The following CHD4 variants were observed in gnomAD, a reference collection of about 807,000 sequenced individuals.
CHD4 encodes ATP-dependent chromatin remodeler CHD4.
CHD4 carries 35 observed loss-of-function variants against 235.5 expected under a neutral mutation model. The ratio of observed to expected loss-of-function variants is 0.15; its 90% CI spans 0.11 to 0.20. The LOEUF is 0.20. Among genes scored for constraint, CHD4 ranks in the 10% least tolerant of loss-of-function variants. CHD4 has a pLI of 1.00. For synonymous variants in CHD4, 900 were observed against 850.2 expected, an observed-to-expected ratio of 1.06 and a Z score of -1.02; for missense variants, 1,329 against 2,432.3, an observed-to-expected ratio of 0.55 and a Z score of 9.54.
chr12:6,599,985 T>C lies in CHD4; in HGVS notation c.1270A>G (p.Lys424Glu), dbSNP rs372747762. 6.2e-7 allele frequency: 1 copy of C among 1,614,196 alleles called. No individual in the cohort carries two copies. The highest frequency in any genetic ancestry group is 8.5e-7 in the Non-Finnish European group (1 of 1,180,026). Reference protein sequence around the residue: ...CEKEGIQWEAKEDNSEGEEIL... With the variant: ...CEKEGIQWEAEEDNSEGEEIL... ...TCCTCACCCTCCGAATTGTCCTCTT[T>C]AGCTTCCCACTGGATGCCTTCCTTC... The change falls in exon 10 of 40, where the codon AAA (lysine) becomes GAA (glutamate). Residue 424 changes from lysine to glutamate, a missense_variant. Transcript: ENST00000544040.
intron 38 of CHD4, 74 bp downstream of exon 38, chr12:6,573,000 C>CA: frequency 7.0e-7 from 1 of 1,431,840 alleles, no homozygotes. Context: ...AGTTTGAAAA[C>CA]AAATATATGT....
chr12:6,594,299 A>C (rs567741400), intron 15 of CHD4, among the ~76,000 whole-genome samples, 160 bp downstream of exon 15: 2 of 152,254 alleles, frequency 1.3e-5, no homozygotes, highest in East Asian at 3.9e-4. Flanking sequence ...TTTATCTACT[A>C]TCTACTAAAC....
chr12:6,592,209 A>G (rs1305820659), intron 19 of CHD4, 152 bp from the exon 20 acceptor site: 2 of 1,268,284 alleles, frequency 1.6e-6, no homozygotes, highest in East Asian at 4.7e-5. Context: ...ACCATTTTAA[A>G]TAAGGAAAGG....
chr12:6,595,468 T>C (rs1309766082), intron 13 of CHD4, 38 bp from the exon 14 acceptor site: 1 of 1,580,612 alleles, frequency 6.3e-7, no homozygotes, highest in East Asian at 2.2e-5. Flanking sequence ...CCCAAAATCC[T>C]TTTCTATAGA....
intron 37 of CHD4, among the ~76,000 whole-genome samples, chr12:6,577,332 G>C (rs1948087927): frequency 6.8e-6 from 1 of 146,840 alleles, no homozygotes; most frequent in African/African-American, 2.5e-5. Context: ...TGAGGCGGGA[G>C]AATCACTTAA....
intron 17 of CHD4, 45 bp from the exon 18 acceptor site, chr12:6,592,862 C>G (rs1179441981): frequency 1.9e-6 from 3 of 1,589,066 alleles, no homozygotes; most frequent in Non-Finnish European, 2.6e-6. Context: ...GAAAACAGAG[C>G]TCTAGCAAAT....
At chr12:6,600,706 G>GA (rs1390049794) in intron 7 of CHD4, 37 bp from the exon 8 acceptor site, 1 of 1,610,904 alleles carries the variant, frequency 6.2e-7, no homozygotes, top group South Asian at 1.1e-5. Context: ...AGACGTTCAA[G>GA]CCAAGGGGAA....
At chr12:6,596,705 CAGG>C (rs1191845322) in intron 12 of CHD4, among the ~76,000 whole-genome samples, 1 of 151,996 alleles carries the variant, frequency 6.6e-6, no homozygotes, top group East Asian at 1.9e-4. Flanking sequence ...GAAGCTGAAG[CAGG>C]AGAATTGCTT....
At position 6,570,422 on chromosome 12, in the gene CHD4, G is replaced by A. The variant is rs951259791; in HGVS notation, c.*254C>T. On this transcript the variant is annotated 3_prime_UTR_variant, in exon 40 of 40. Transcript: ENST00000544040. ...GTAACAGGCGTTACAGTGGGGAGAA[G>A]CCAGGGTCCAGAAGGCCAGCCCGCC... The A allele has an allele frequency of 5.0e-5, 27 of 541,114 alleles. No individual in the cohort carries two copies. The highest frequency in any genetic ancestry group is 8.2e-5 in the Non-Finnish European group (25 of 304,358). 33.5% of individuals were successfully genotyped at this position (541,114 alleles called of 1,614,324 possible).
rs776495567 is a variant in CHD4, at chr12:6,600,203, G to A, written c.1242+14C>T. ...CTCATGGGTTCCAAGGGGCCACAAT[G>A]GCCAGACACTCACGCAGTGTGGGCA... On this transcript the variant is annotated intron_variant, in intron 9 of 39. Coordinates refer to ENST00000544040, the MANE Select transcript of CHD4 (RefSeq NM_001273.5). 1.4e-5 allele frequency: 22 copies of A among 1,613,326 alleles called. No individual in the cohort carries two copies. Among genetic ancestry groups the A allele is most frequent in the Non-Finnish European group, 1.6e-5 (19 of 1,179,612 alleles).
chr12:6,606,121 G>C (rs572483767), intron 2 of CHD4, among the ~76,000 whole-genome samples, 153 bp downstream of exon 2: 1 of 152,314 alleles, frequency 6.6e-6, no homozygotes, highest in East Asian at 1.9e-4. Flanking sequence ...TCACACCAGA[G>C]CTCCGCAGAA....
chr12:6,582,490 C>T, intron 29 of CHD4, 125 bp downstream of exon 29: 1 of 1,421,828 alleles, frequency 7.0e-7, no homozygotes. Context: ...CTAACAGCTT[C>T]ACCTGCCAAC....
chr12:6,604,368 C>T (rs1948653217), intron 2 of CHD4, among the ~76,000 whole-genome samples: 1 of 152,142 alleles, frequency 6.6e-6, no homozygotes, highest in Non-Finnish European at 1.5e-5. Context: ...TCTGGCTCCC[C>T]ACTTCCTGAG....
chr12:6,591,295 C>A, intron 22 of CHD4, 171 bp downstream of exon 22: 1 of 585,406 alleles, frequency 1.7e-6, no homozygotes, highest in Non-Finnish European at 3.0e-6. Context: ...GAAAAAATCT[C>A]CTAGGAATAG....
chr12:6,583,612 A>G (rs1488572991), intron 25 of CHD4: 1 of 466,868 alleles, frequency 2.1e-6, no homozygotes, highest in African/African-American at 2.0e-5. Context: ...GGATAGAGCT[A>G]TTATCACAGG....
intron 23 of CHD4, 133 bp from the exon 24 acceptor site, chr12:6,588,082 C>T: frequency 8.8e-7 from 1 of 1,131,390 alleles, no homozygotes; most frequent in Non-Finnish European, 1.3e-6. Context: ...CTTCCTTTTG[C>T]ACCCCTGCCT....
intron 8 of CHD4, 67 bp from the exon 9 acceptor site, chr12:6,600,462 A>G: frequency 1.3e-6 from 2 of 1,559,628 alleles, no homozygotes; most frequent in Non-Finnish European, 1.7e-6. Flanking sequence ...CCCGACCCCT[A>G]TCTCCTTAGG....
At chr12:6,594,742 A>G in intron 14 of CHD4, 92 bp from the exon 15 acceptor site, 1 of 1,189,050 alleles carries the variant, frequency 8.4e-7, no homozygotes, top group Non-Finnish European at 1.2e-6. Flanking sequence ...GTCTTCACGG[A>G]TCCTCTTGGG....
Position 6,595,370 on chromosome 12 carries a change from C to A in CHD4, c.2085G>T (p.Arg695=), listed in dbSNP as rs757988546. Reference sequence around the variant, plus strand: ...GCGTTTCTGGAGGCCTCTCCAACTTCCGAAGCTTCACCTTCTTGAGCTTCT... The same window carrying A: ...GCGTTTCTGGAGGCCTCTCCAACTTACGAAGCTTCACCTTCTTGAGCTTCT... The part of the protein sequence containing the change: ...PGKKLKKVKL[R]KLERPPETPT... Residue 695 remains arginine (R), a synonymous_variant, in exon 14 of 40, where the codon CGG becomes CGT. Coordinates refer to ENST00000544040, the MANE Select transcript of CHD4 (RefSeq NM_001273.5). 6 of 1,614,032 alleles carry A rather than the reference C, an allele frequency of 3.7e-6. No individual in the cohort carries two copies. Among genetic ancestry groups the A allele is most frequent in the Non-Finnish European group, 5.1e-6 (6 of 1,180,020 alleles).
Sources: allele counts gnomAD v4.1 joint callset (sites outside exome capture counted in the v4.1 genomes callset), GRCh38; gene constraint gnomAD v4.1.1; transcripts MANE v1.5; gene names NCBI Gene and HGNC (gene_info 2026-07-23, HGNC 2026-07-21).